Variants in KIF3A observed in about 807,000 individuals in gnomAD.
KIF3A encodes the protein kinesin family member 3A, also known as kinesin-like protein KIF3A.
Under a neutral mutation model 92.6 loss-of-function variants are expected in KIF3A, and 27 were observed. That is an observed-to-expected ratio of 0.29 (90% CI 0.21 to 0.40). KIF3A has a LOEUF of 0.40. Ranked by LOEUF, KIF3A falls within the 10% of genes least tolerant of loss-of-function variation. KIF3A has a pLI of 1.00. For missense variants in KIF3A, 581 were observed against 872.6 expected (o/e 0.67, Z 4.21); for synonymous variants, 250 against 275.4 (o/e 0.91, Z 0.92).
In KIF3A at chr5:132,702,905, T is replaced by C; in HGVS notation, c.1627A>G (p.Arg543Gly). The change falls in exon 13 of 19, where the codon AGA (arginine) becomes GGA (glycine). Residue 543 changes from arginine (R) to glycine (G), a missense_variant. By Grantham distance (125) the Arg-to-Gly change is moderately radical. This residue lies in a region of KIF3A where 45 missense variants were observed against 115.8 expected (regional missense o/e 0.39). Transcript: ENST00000403231. ...ERRKRAEQLR[R>G]ELEEKEQERL... Reference sequence around the variant, plus strand: ...ATTACCTCTTTTTCCTCAAGTTCTCTGCGAAGTTGCTCTGCTCTTTTCCTC... The same window carrying C: ...ATTACCTCTTTTTCCTCAAGTTCTCCGCGAAGTTGCTCTGCTCTTTTCCTC... The C allele has an allele frequency of 6.2e-7, 1 of 1,613,516 alleles. No individual in the cohort carries two copies. Among genetic ancestry groups the C allele is most frequent in the Non-Finnish European group, 8.5e-7 (1 of 1,179,792 alleles).
intron 11 of KIF3A, among the ~76,000 whole-genome samples, chr5:132,705,547 A>G (rs1321475280): frequency 1.3e-5 from 2 of 152,064 alleles, no homozygotes; most frequent in Non-Finnish European, 1.5e-5. Flanking sequence ...ACAAAGACAC[A>G]TAACTGTTCA....
chr5:132,734,623 T>A, intron 1 of KIF3A, 145 bp from the exon 2 acceptor site: 1 of 657,834 alleles, frequency 1.5e-6, no homozygotes, highest in Non-Finnish European at 2.5e-6. Context: ...TAAATGCAAT[T>A]AAAGATCTTA....
At chr5:132,717,766 TTTAAAG>T (rs1753680980) in intron 5 of KIF3A, among the ~76,000 whole-genome samples, 1 of 152,154 alleles carries the variant, frequency 6.6e-6, no homozygotes, top group Admixed American at 6.5e-5. Flanking sequence ...TCCAAAGTAT[TTTAAAG>T]TTAATTTTAC....
chr5:132,707,444 A>C (rs1753253990), intron 10 of KIF3A, among the ~76,000 whole-genome samples: 1 of 152,226 alleles, frequency 6.6e-6, no homozygotes. Context: ...GAATTGAACA[A>C]AGTACAACTC....
chr5:132,726,537 T>G (rs1754040029), intron 2 of KIF3A, 39 bp from the exon 3 acceptor site: 1 of 1,566,330 alleles, frequency 6.4e-7, no homozygotes. Context: ...TCTTAAAGTC[T>G]AATGCTACAG....
At chr5:132,736,821 G>A (rs1266171219) in intron 1 of KIF3A, 1 of 439,230 alleles carries the variant, frequency 2.3e-6, no homozygotes, top group African/African-American at 2.1e-5. Context: ...GTCTTAGAAG[G>A]CCCCATTATT....
chr5:132,710,680 ATAAAAT>A (rs1325998009), intron 9 of KIF3A, among the ~76,000 whole-genome samples: 2 of 152,230 alleles, frequency 1.3e-5, no homozygotes, highest in African/African-American at 4.8e-5. Flanking sequence ...AAGTCCCTAC[ATAAAAT>A]TAAAACACAC....
At position 132,702,105 on chromosome 5, in the gene KIF3A, A is replaced by G. The variant is rs187853929; in HGVS notation, c.1866T>C (p.Phe622=). The part of the protein sequence containing the change: ...LRLQMLIIDN[F]IPRDYQEMIE... ...TTTTTACCTGATAATCCCGAGGTAT[A>G]AAGTTATCAATAATAAGCATCTGAA... The change falls in exon 15 of 19, where the codon TTT becomes TTC. Residue 622 remains phenylalanine (F), a synonymous_variant. Transcript: ENST00000403231. 1,012 of 1,612,990 alleles carry G rather than the reference A, an allele frequency of 6.3e-4. 1 individual carries two copies. The highest frequency in any genetic ancestry group is 7.8e-4 in the Non-Finnish European group (920 of 1,179,140).
In KIF3A at chr5:132,732,293, C is replaced by A. The variant is rs1754258118; in HGVS notation, c.280+1912G>T. 3.3e-5 allele frequency among the ~76,000 whole-genome samples: 5 copies of A among 152,210 alleles called. No individual in the cohort carries two copies. The South Asian group carries it at 1.0e-3, about 32-fold the overall frequency. On this transcript the variant is annotated intron_variant, in intron 2 of 18. Coordinates refer to ENST00000403231, the MANE Select transcript of KIF3A (RefSeq NM_001300791.2). Reference sequence around the variant, plus strand: ...AACATTAAACAAAGTTACCATGTGACCTAGTAATTCCACTCTTAGGTATAT... The same window carrying A: ...AACATTAAACAAAGTTACCATGTGAACTAGTAATTCCACTCTTAGGTATAT...
chr5:132,712,286 CA>C (rs1288309766), intron 8 of KIF3A, among the ~76,000 whole-genome samples: 2 of 152,006 alleles, frequency 1.3e-5, no homozygotes, highest in Non-Finnish European at 2.9e-5. Flanking sequence ...TTTGTAGTGC[CA>C]AAAAGTAATC....
At chr5:132,710,594 C>T (rs142132334) in intron 9 of KIF3A, among the ~76,000 whole-genome samples, 321 of 152,152 alleles carry the variant, frequency 2.1e-3, no homozygotes, top group African/African-American at 7.3e-3. Context: ...CCAGCCTGGG[C>T]GACAGAATGA....
intron 4 of KIF3A, among the ~76,000 whole-genome samples, chr5:132,725,606 A>G (rs1385835867): frequency 6.6e-6 from 1 of 152,164 alleles, no homozygotes; most frequent in Non-Finnish European, 1.5e-5. Context: ...AAACCCCTCT[A>G]AATTTCAGTT....
chr5:132,701,548 C>T (rs534221953), intron 15 of KIF3A, among the ~76,000 whole-genome samples: 2 of 146,218 alleles, frequency 1.4e-5, no homozygotes, highest in South Asian at 4.4e-4. Flanking sequence ...CCAAAATGCA[C>T]TGGAAAGACA....
At chr5:132,697,776 A>G (rs1752887533) in intron 18 of KIF3A, 1 of 152,616 alleles carries the variant, frequency 6.6e-6, no homozygotes, top group African/African-American at 2.4e-5. Context: ...AGAAAACAGA[A>G]GATCCAGAAA....
intron 2 of KIF3A, among the ~76,000 whole-genome samples, chr5:132,731,758 T>A (rs1754238520): frequency 1.3e-5 from 2 of 152,024 alleles, no homozygotes; most frequent in South Asian, 4.1e-4. Context: ...TCACCCAGGC[T>A]GGAGTGCAAT....
At position 132,737,470 on chromosome 5, in the gene KIF3A, G is replaced by A. The variant is rs1168057196; in HGVS notation, c.-51C>T. On this transcript the variant is annotated 5_prime_UTR_variant, in exon 1 of 19. Coordinates refer to ENST00000403231, the MANE Select transcript of KIF3A (RefSeq NM_001300791.2). The stretch of plus-strand genomic sequence containing the variant: ...ACGTCCCCGCCCGGGGTGCAGCCCA[G>A]CGACACCGGGTGCGCAGAAAGGATG... 6.3e-7 allele frequency: 1 copy of A among 1,594,366 alleles called. No individual in the cohort carries two copies. Among genetic ancestry groups the A allele is most frequent in the Admixed American group, 1.8e-5 (1 of 57,084 alleles).
chr5:132,700,749 A>T, intron 15 of KIF3A, 49 bp from the exon 16 acceptor site: 1 of 1,192,646 alleles, frequency 8.4e-7, no homozygotes, highest in Non-Finnish European at 1.2e-6. Context: ...AATAACATCT[A>T]AAATATTGAA....
intron 11 of KIF3A, among the ~76,000 whole-genome samples, chr5:132,705,825 T>C (rs1223635213): frequency 1.3e-5 from 2 of 152,082 alleles, no homozygotes; most frequent in African/African-American, 4.8e-5. Flanking sequence ...TATTTAAAAA[T>C]GTGACATCAG....
intron 17 of KIF3A, chr5:132,699,521 C>G: frequency 1.7e-6 from 1 of 587,266 alleles, no homozygotes; most frequent in Non-Finnish European, 3.2e-6. Context: ...GACATAAAAA[C>G]TGTTGCTGTT....
Sources: allele counts gnomAD v4.1 joint callset (sites outside exome capture counted in the v4.1 genomes callset), GRCh38; gene constraint gnomAD v4.1.1; regional missense constraint gnomAD v4.1.1; transcripts MANE v1.5; gene names NCBI Gene and HGNC (gene_info 2026-07-23, HGNC 2026-07-21).